GTF2B: variants seen among roughly 807,000 people sequenced by gnomAD.
The protein encoded by GTF2B is transcription initiation factor IIB.
Under a neutral mutation model 34.6 loss-of-function variants are expected in GTF2B, and 20 were observed. The ratio of observed to expected loss-of-function variants is 0.58; its 90% CI spans 0.41 to 0.84. GTF2B has a LOEUF of 0.84. Ranked by LOEUF, GTF2B falls within the 40% of genes least tolerant of loss-of-function variation. GTF2B has a pLI of 0.00. For missense variants in GTF2B, 237 were observed against 393.3 expected, an observed-to-expected ratio of 0.60 and a Z score of 3.36; for synonymous variants, 142 against 132.4, an observed-to-expected ratio of 1.07 and a Z score of -0.50.
chr1:88,877,290 A>T (rs895518943), intron 2 of GTF2B, among the ~76,000 whole-genome samples: 5 of 152,174 alleles, frequency 3.3e-5, no homozygotes, highest in Non-Finnish European at 5.9e-5. Flanking sequence ...ATTTTCCAGT[A>T]TTTTCCTTAC....
chr1:88,885,360 A>C lies in GTF2B; in HGVS notation c.124+1901T>G, dbSNP rs141549971. On this transcript the variant is annotated intron_variant, in intron 2 of 6. Coordinates refer to ENST00000370500, the MANE Select transcript of GTF2B (RefSeq NM_001514.6). ...GAGGCTGAGGCAGGAGAATCACTTG[A>C]AACTGGAAGGCAGAGGTTGCAGTGA... Among the ~76,000 whole-genome samples the C allele has an allele frequency of 1.8e-3, 273 of 152,238 alleles. 1 individual carries two copies. The highest frequency in any genetic ancestry group is 6.2e-3 in the African/African-American group (258 of 41,540).
Position 88,852,974 on chromosome 1 carries a change from A to C in GTF2B, c.*239T>G. ...TTTTATTCAAGAATTACATAATTTC[A>C]AATATCTTCCAAAATACAGTTTCCT... On this transcript the variant is annotated 3_prime_UTR_variant, in exon 7 of 7. Coordinates refer to ENST00000370500, the MANE Select transcript of GTF2B (RefSeq NM_001514.6). The C allele has an allele frequency of 2.3e-6, 1 of 432,248 alleles. No homozygotes were observed. The highest frequency in any genetic ancestry group is 4.1e-6 in the Non-Finnish European group (1 of 243,038). 26.8% of individuals were successfully genotyped at this position (432,248 alleles called of 1,614,324 possible). A position where few individuals can be genotyped will look rare whatever the true frequency, so the allele number is the denominator to read the frequency against.
chr1:88,873,508 G>T (rs567228531), intron 2 of GTF2B, among the ~76,000 whole-genome samples: 1 of 152,068 alleles, frequency 6.6e-6, no homozygotes, highest in East Asian at 1.9e-4. Context: ...CAGGATTCCA[G>T]AAGTTTTTAA....
intron 5 of GTF2B, among the ~76,000 whole-genome samples, 187 bp downstream of exon 5, chr1:88,859,695 G>A (rs1432990407): frequency 1.3e-5 from 2 of 152,126 alleles, no homozygotes; most frequent in Admixed American, 6.6e-5. Context: ...AGTTAACCAG[G>A]TGTGGTGGCA....
At chr1:88,882,742 G>A (rs537213929) in intron 2 of GTF2B, among the ~76,000 whole-genome samples, 2 of 152,260 alleles carry the variant, frequency 1.3e-5, no homozygotes, top group East Asian at 1.9e-4. Context: ...GCCAAATACC[G>A]ATATTAATCC....
At chr1:88,878,518 G>A (rs1423662521) in intron 2 of GTF2B, among the ~76,000 whole-genome samples, 2 of 152,144 alleles carry the variant, frequency 1.3e-5, no homozygotes, top group Non-Finnish European at 2.9e-5. Context: ...TAAATACTGG[G>A]GAAAAGCATT....
intron 2 of GTF2B, among the ~76,000 whole-genome samples, chr1:88,875,001 T>C (rs970772668): frequency 2.6e-5 from 4 of 152,192 alleles, no homozygotes; most frequent in African/African-American, 9.6e-5. Context: ...CTAATGTTGA[T>C]GATGAAATGT....
At chr1:88,877,608 A>G (rs939846978) in intron 2 of GTF2B, among the ~76,000 whole-genome samples, 31 of 152,288 alleles carry the variant, frequency 2.0e-4, no homozygotes, top group South Asian at 6.2e-4. Flanking sequence ...GGAATTTGGG[A>G]AAAAACCCCC....
intron 2 of GTF2B, among the ~76,000 whole-genome samples, chr1:88,876,846 T>C (rs56176953): frequency 0.12 from 17,731 of 152,226 alleles, 2,492 homozygotes; most frequent in African/African-American, 0.34. Flanking sequence ...GAACAAAGTA[T>C]GTAACTATAG....
chr1:88,872,045 C>CTATG (rs1673705139), intron 2 of GTF2B, among the ~76,000 whole-genome samples: 1 of 152,130 alleles, frequency 6.6e-6, no homozygotes, highest in African/African-American at 2.4e-5. Context: ...GAAGATTGTT[C>CTATG]TATGGCTTCC....
intron 1 of GTF2B, among the ~76,000 whole-genome samples, chr1:88,891,140 A>G (rs922243016): frequency 0.15 from 707 of 4,864 alleles, 2 homozygotes; most frequent in Middle Eastern, 0.2. Flanking sequence ...GGCGCGGGGG[A>G]GGAGAGGAGG....
intron 2 of GTF2B, among the ~76,000 whole-genome samples, chr1:88,870,085 G>A (rs1427021007): frequency 2.6e-5 from 4 of 151,936 alleles, no homozygotes; most frequent in Admixed American, 2.6e-4. Context: ...CCACCACCAC[G>A]CCTGGCTAAT....
At chr1:88,889,033 AG>A in intron 1 of GTF2B, among the ~76,000 whole-genome samples, 1 of 152,352 alleles carries the variant, frequency 6.6e-6, no homozygotes, top group Admixed American at 6.5e-5. Context: ...CATTAAAAAA[AG>A]GTAAAAGCAA....
chr1:88,873,286 T>TCACC (rs1673742662), intron 2 of GTF2B, among the ~76,000 whole-genome samples: 1 of 150,496 alleles, frequency 6.6e-6, no homozygotes, highest in Non-Finnish European at 1.5e-5. Context: ...ACCTCCCAAG[T>TCACC]TCAAGTGATT....
intron 2 of GTF2B, among the ~76,000 whole-genome samples, chr1:88,879,246 GATAA>G (rs202050901): frequency 0.014 from 2,068 of 152,144 alleles, 45 homozygotes; most frequent in African/African-American, 0.047. Context: ...AAGCTTATAA[GATAA>G]ATATACTTTT....
chr1:88,862,291 C>T (rs925536406), intron 3 of GTF2B, among the ~76,000 whole-genome samples: 1 of 152,102 alleles, frequency 6.6e-6, no homozygotes, highest in Admixed American at 6.6e-5. Context: ...ACCTGTAATT[C>T]CAGCACCTTG....
Position 88,853,170 on chromosome 1 carries a change from G to A in GTF2B, c.*43C>T. 6.3e-7 allele frequency: 1 copy of A among 1,598,020 alleles called. No homozygotes were observed. Among genetic ancestry groups the A allele is most frequent in the East Asian group, 2.2e-5 (1 of 44,786 alleles). On this transcript the variant is annotated 3_prime_UTR_variant, in exon 7 of 7. Coordinates refer to ENST00000370500, the MANE Select transcript of GTF2B (RefSeq NM_001514.6). ...CATTTTGTATAGGCTATGTACAACA[G>A]GCAAAGTTTTGTATTCAAGAATTTG...
In GTF2B at chr1:88,852,979, T is replaced by G. The variant is rs192930723; in HGVS notation, c.*234A>C. 1,501 of 437,732 alleles carry G rather than the reference T, an allele frequency of 3.4e-3. 5 individuals are homozygous for G. The highest frequency in any genetic ancestry group is 4.4e-3 in the Non-Finnish European group (1,076 of 246,728). The allele number at this position is 437,732 out of a possible 1,614,324, so 27.1% of individuals were successfully genotyped here. A position where few individuals can be genotyped will look rare whatever the true frequency, so the allele number is the denominator to read the frequency against. Reference sequence around the variant, plus strand: ...TTCAAGAATTACATAATTTCAAATATCTTCCAAAATACAGTTTCCTAGATT... The same window carrying G: ...TTCAAGAATTACATAATTTCAAATAGCTTCCAAAATACAGTTTCCTAGATT... On this transcript the variant is annotated 3_prime_UTR_variant, in exon 7 of 7. Coordinates refer to ENST00000370500, the MANE Select transcript of GTF2B (RefSeq NM_001514.6).
At chr1:88,870,106 TC>T (rs1481792838) in intron 2 of GTF2B, among the ~76,000 whole-genome samples, 1 of 151,890 alleles carries the variant, frequency 6.6e-6, no homozygotes, top group East Asian at 1.9e-4. Context: ...TTTTGTATTT[TC>T]AGTAGAGACA....
Sources: allele counts gnomAD v4.1 joint callset (sites outside exome capture counted in the v4.1 genomes callset), GRCh38; gene constraint gnomAD v4.1.1; transcripts MANE v1.5; gene names NCBI Gene and HGNC (gene_info 2026-07-23, HGNC 2026-07-21).